Variants in KAZN observed in about 807,000 individuals in gnomAD.
The protein encoded by KAZN is kazrin.
KAZN carries 40 observed loss-of-function variants against 87.4 expected under a neutral mutation model. That is an observed-to-expected ratio of 0.46 (90% CI 0.36 to 0.60). KAZN has a LOEUF of 0.60. KAZN is among the 20% of genes least tolerant of loss of function. The probability of loss-of-function intolerance (pLI) is 0.00; values close to 1 mark genes in which losing one functional copy is unlikely to be tolerated. For synonymous variants in KAZN, 466 were observed against 458.3 expected (o/e 1.02, Z -0.22); for missense variants, 898 against 1,073.9 (o/e 0.84, Z 2.29).
chr1:14,510,002 G>T (rs114932946), intron 2 of KAZN, among the ~76,000 whole-genome samples: 23,831 of 152,062 alleles, frequency 0.16, 2,239 homozygotes, highest in Non-Finnish European at 0.22. Context: ...GTGTTGCTGG[G>T]GCAAGTTACA....
At chr1:14,693,876 T>C (rs1439239966) in intron 1 of KAZN, among the ~76,000 whole-genome samples, 1 of 152,174 alleles carries the variant, frequency 6.6e-6, no homozygotes, top group African/African-American at 2.4e-5. Flanking sequence ...TGGAGAATTG[T>C]AACAACATAC....
At chr1:14,406,604 A>AT (rs1305142114) in intron 2 of KAZN, among the ~76,000 whole-genome samples, 1 of 152,164 alleles carries the variant, frequency 6.6e-6, no homozygotes, top group Non-Finnish European at 1.5e-5. Flanking sequence ...TACTGCTTGG[A>AT]TGATGGGTGC....
chr1:14,652,269 GTGA>G (rs1263480719), intron 1 of KAZN, among the ~76,000 whole-genome samples: 6 of 152,110 alleles, frequency 3.9e-5, no homozygotes, highest in African/African-American at 1.4e-4. Flanking sequence ...GAAAAGTTGT[GTGA>G]TATTTTTACC....
At chr1:13,901,171 A>AAAG (rs1476616282) in intron 1 of KAZN, among the ~76,000 whole-genome samples, 1 of 152,222 alleles carries the variant, frequency 6.6e-6, no homozygotes, top group African/African-American at 2.4e-5. Flanking sequence ...AAGGATGTTT[A>AAAG]AAGAAGGGCC....
chr1:14,612,317 C>G (rs1002545380), intron 1 of KAZN, among the ~76,000 whole-genome samples: 1 of 152,128 alleles, frequency 6.6e-6, no homozygotes, highest in Non-Finnish European at 1.5e-5. Context: ...CGCTCTAACC[C>G]CTGAGCTGTA....
chr1:14,057,113 A>C (rs1284756304), intron 1 of KAZN, among the ~76,000 whole-genome samples: 1 of 149,738 alleles, frequency 6.7e-6, no homozygotes, highest in Non-Finnish European at 1.5e-5. Flanking sequence ...CATGTTTAAC[A>C]TTCTTTTTTT....
At chr1:14,511,310 T>C (rs1670893396) in intron 2 of KAZN, among the ~76,000 whole-genome samples, 2 of 152,216 alleles carry the variant, frequency 1.3e-5, no homozygotes, top group Admixed American at 1.3e-4. Context: ...TAAGTTCTTG[T>C]GGGCTTAACT....
At position 14,151,123 on chromosome 1, in the gene KAZN, G is replaced by A. The variant is rs531469004; in HGVS notation, c.92-29312G>A. Among the ~76,000 whole-genome samples, 3 of 152,162 alleles carry A rather than the reference G, an allele frequency of 2.0e-5. No individual in the cohort carries two copies. In the East Asian group the frequency reaches 5.8e-4, roughly 29 times the overall value. On this transcript the variant is annotated intron_variant, in intron 1 of 16. Transcript: ENST00000636203. ...TTATAAAAGTTTCACATGCTATACC[G>A]TCTTCATCTACAACATCATTTATAA...
intron 1 of KAZN, among the ~76,000 whole-genome samples, chr1:14,063,066 C>T (rs4662102): frequency 0.91 from 138,886 of 152,274 alleles, 63,445 homozygotes; most frequent in Admixed American, 0.95. Flanking sequence ...AGTTTCATTA[C>T]CAATTCCAAA....
At chr1:14,255,423 T>C (rs963098789) in intron 2 of KAZN, among the ~76,000 whole-genome samples, 5 of 152,196 alleles carry the variant, frequency 3.3e-5, no homozygotes, top group Non-Finnish European at 7.3e-5. Context: ...TTTAGATATA[T>C]ATTTTTATGT....
intron 2 of KAZN, among the ~76,000 whole-genome samples, chr1:15,026,310 C>A (rs1197939372): frequency 2.0e-5 from 3 of 152,158 alleles, no homozygotes; most frequent in Non-Finnish European, 2.9e-5. Flanking sequence ...TCACATAGAG[C>A]CTTGCCAGGT....
chr1:14,085,066 C>A (rs1643813242), intron 1 of KAZN, among the ~76,000 whole-genome samples: 1 of 152,156 alleles, frequency 6.6e-6, no homozygotes, highest in Admixed American at 6.5e-5. Flanking sequence ...TGGGTTCTTT[C>A]ATTCAAAGAT....
At chr1:14,426,037 A>C (rs1461083003) in intron 2 of KAZN, among the ~76,000 whole-genome samples, 1 of 152,216 alleles carries the variant, frequency 6.6e-6, no homozygotes, top group Non-Finnish European at 1.5e-5. Flanking sequence ...CAGCTTACTC[A>C]GAGTAAAGGC....
At chr1:14,961,742 A>G (rs914272201) in intron 2 of KAZN, among the ~76,000 whole-genome samples, 13 of 152,232 alleles carry the variant, frequency 8.5e-5, no homozygotes, top group Admixed American at 8.5e-4. Flanking sequence ...TCCACTTACC[A>G]TTCACTAGAA....
At chr1:14,017,211 A>G (rs1640612353) in intron 1 of KAZN, among the ~76,000 whole-genome samples, 1 of 152,050 alleles carries the variant, frequency 6.6e-6, no homozygotes, top group South Asian at 2.1e-4. Context: ...GTCCTTTTCA[A>G]CCTGTCTCCC....
At chr1:14,091,185 T>C (rs760415044) in intron 1 of KAZN, among the ~76,000 whole-genome samples, 196 of 151,186 alleles carry the variant, frequency 1.3e-3, no homozygotes, top group Non-Finnish European at 2.4e-3. Context: ...CTCCTCTTGG[T>C]ATATTGCCAT....
At chr1:14,436,728 A>AAAAAAAAAAAAC (rs1553172253) in intron 2 of KAZN, among the ~76,000 whole-genome samples, 38 of 29,346 alleles carry the variant, frequency 1.3e-3, no homozygotes, top group African/African-American at 6.9e-3. Flanking sequence ...AAAAAAAAAA[A>AAAAAAAAAAAAC]AAAAAAAAAA....
chr1:14,376,061 G>A (rs766393383), intron 2 of KAZN, among the ~76,000 whole-genome samples: 18 of 152,056 alleles, frequency 1.2e-4, no homozygotes, highest in Non-Finnish European at 2.4e-4. Context: ...AGATAAGTCT[G>A]ATGCAAGCAA....
chr1:13,954,334 T>A (rs1405464076), intron 1 of KAZN, among the ~76,000 whole-genome samples: 1 of 152,248 alleles, frequency 6.6e-6, no homozygotes, highest in Non-Finnish European at 1.5e-5. Context: ...GGAGCTTTTT[T>A]GTTGAATTAA....
Sources: allele counts gnomAD v4.1 joint callset (sites outside exome capture counted in the v4.1 genomes callset), GRCh38; gene constraint gnomAD v4.1.1; transcripts MANE v1.5; gene names NCBI Gene and HGNC (gene_info 2026-07-23, HGNC 2026-07-21).